The following TLR4 variants were observed in gnomAD, a reference collection of about 807,000 sequenced individuals.
TLR4 encodes the protein toll like receptor 4.
Under a neutral mutation model 27.4 loss-of-function variants are expected in TLR4, and 17 were observed. The ratio of observed to expected loss-of-function variants is 0.62; its 90% confidence interval spans 0.42 to 0.93. The LOEUF is 0.93. Among genes scored for constraint, TLR4 ranks in the 40% least tolerant of loss-of-function variants. The pLI is 0.00. For missense variants in TLR4, 926 were observed against 962.3 expected, an observed-to-expected ratio of 0.96 and a Z score of 0.50; for synonymous variants, 363 against 365.7, an observed-to-expected ratio of 0.99 and a Z score of 0.08.
chr9:117,708,531 A>G, intron 1 of TLR4, 32 bp from the exon 2 acceptor site: 1 of 1,612,982 alleles, frequency 6.2e-7, no homozygotes, highest in Middle Eastern at 1.7e-4. Context: ...CCATGCAGTA[A>G]AGATACTTCA....
rs1321018389 is a variant in TLR4, at chr9:117,715,134, C to G, written c.*486C>G. On this transcript the variant is annotated 3_prime_UTR_variant, in exon 3 of 3. Transcript: ENST00000355622. ...GGGCTCCTGATGCAAGATGCCCCTT[C>G]CATTTTAAGTCTGTCTCCTTACAGA... The G allele has an allele frequency of 5.5e-6, 1 of 181,920 alleles. No individual in the cohort carries two copies. Among genetic ancestry groups the G allele is most frequent in the Non-Finnish European group, 1.2e-5 (1 of 84,386 alleles). The allele number at this position is 181,920 out of a possible 1,614,324, so 11.3% of individuals were successfully genotyped here. A position where few individuals can be genotyped will look rare whatever the true frequency, so the allele number is the denominator to read the frequency against.
Position 117,713,034 on chromosome 9 carries a change from CT to C in TLR4, c.908del (p.Leu303TyrfsTer5). On this transcript the variant is annotated frameshift_variant, in exon 3 of 3. Transcript: ENST00000355622. LOFTEE classifies it low-confidence loss of function (END_TRUNC). ...LDYYLDDIID[L>X]FNCLTNVSSF... The stretch of plus-strand genomic sequence containing the variant: ...ACTACTACCTCGATGATATTATTGA[CT>C]TATTTAATTGTTTGACAAATGTTTC... 6.2e-7 allele frequency: 1 copy of C among 1,614,052 alleles called. No homozygotes were observed. Among genetic ancestry groups the C allele is most frequent in the Non-Finnish European group, 8.5e-7 (1 of 1,179,970 alleles).
chr9:117,707,017 G>T (rs751093561), intron 1 of TLR4, among the ~76,000 whole-genome samples: 3 of 152,190 alleles, frequency 2.0e-5, no homozygotes, highest in Admixed American at 6.6e-5. Flanking sequence ...CCAACCATTT[G>T]CCAGACACCA....
chr9:117,721,131 A>G lies in TLR4; in HGVS notation c.*6483A>G, dbSNP rs1002123996. On this transcript the variant is annotated 3_prime_UTR_variant, in exon 3 of 3. Coordinates refer to ENST00000355622, the MANE Select transcript of TLR4 (RefSeq NM_138554.5). ...TAGAGAGTGCAAATGCAGTTTTGTTACATGAATATATTGCATAATGGTTTA... is the reference window on the plus strand; with the variant it reads ...TAGAGAGTGCAAATGCAGTTTTGTTGCATGAATATATTGCATAATGGTTTA... 6.6e-6 allele frequency: 1 copy of G among 152,250 alleles called. No homozygotes were observed. Among genetic ancestry groups the G allele is most frequent in the African/African-American group, 2.4e-5 (1 of 41,468 alleles). 9.4% of individuals were successfully genotyped at this position (152,250 alleles called of 1,614,324 possible). A position where few individuals can be genotyped will look rare whatever the true frequency, so the allele number is the denominator to read the frequency against.
chr9:117,709,042 A>C (rs11536876), intron 2 of TLR4: 1 of 350,358 alleles, frequency 2.9e-6, no homozygotes, highest in Non-Finnish European at 5.4e-6. Flanking sequence ...ACTACTTGCT[A>C]TATGTTGTAC....
In TLR4 at chr9:117,715,416, T is replaced by A. The variant is rs1829327527; in HGVS notation, c.*768T>A. On this transcript the variant is annotated 3_prime_UTR_variant, in exon 3 of 3. Transcript: ENST00000355622. ...TGGAAAAGTACACTCTGTCACTTTG[T>A]CACTCGATGTCATTCCAAAGTTATT... 1 of 152,208 alleles carries A rather than the reference T, an allele frequency of 6.6e-6. No individual in the cohort carries two copies. Among genetic ancestry groups the A allele is most frequent in the African/African-American group, 2.4e-5 (1 of 41,472 alleles). The allele number at this position is 152,208 out of a possible 1,614,324, so 9.4% of individuals were successfully genotyped here.
At position 117,720,434 on chromosome 9, in the gene TLR4, T is replaced by G. The variant is rs914329321; in HGVS notation, c.*5786T>G. The stretch of plus-strand genomic sequence containing the variant: ...ATAAAGATGATCCCTCCTGTGACAG[T>G]GCTAAGTGACAATTCTGAGTGTAAA... On this transcript the variant is annotated 3_prime_UTR_variant, in exon 3 of 3. Transcript: ENST00000355622. 5.9e-5 allele frequency: 9 copies of G among 152,136 alleles called. No homozygotes were observed. The highest frequency in any genetic ancestry group is 2.2e-4 in the African/African-American group (9 of 41,424). 9.4% of individuals were successfully genotyped at this position (152,136 alleles called of 1,614,324 possible).
chr9:117,711,364 T>G (rs769886149), intron 2 of TLR4, among the ~76,000 whole-genome samples: 3 of 152,214 alleles, frequency 2.0e-5, no homozygotes, highest in Non-Finnish European at 2.9e-5. Flanking sequence ...CCTGCAATGC[T>G]GAAAGGAATT....
chr9:117,706,823 T>C (rs1259758416), intron 1 of TLR4, among the ~76,000 whole-genome samples: 1 of 152,242 alleles, frequency 6.6e-6, no homozygotes, highest in Non-Finnish European at 1.5e-5. Context: ...GAGATAGTGT[T>C]AGCTTTGCTC....
rs1408492792 is a variant in TLR4, at chr9:117,723,916, C to T, written c.*9268C>T. ...TAGTCACAGAGGTACCATTCGACCC[C>T]TTGTGCCTCTTACCATATGTGAATG... On this transcript the variant is annotated 3_prime_UTR_variant, in exon 3 of 3. Transcript: ENST00000355622. 1.3e-5 allele frequency: 2 copies of T among 152,208 alleles called. No individual in the cohort carries two copies. The highest frequency in any genetic ancestry group is 2.9e-5 in the Non-Finnish European group (2 of 68,050). The allele number at this position is 152,208 out of a possible 1,614,324, so 9.4% of individuals were successfully genotyped here.
intron 1 of TLR4, 46 bp from the exon 2 acceptor site, chr9:117,708,517 G>A (rs1475710271): frequency 6.2e-7 from 1 of 1,612,644 alleles, no homozygotes. Flanking sequence ...GGGGAGTTGG[G>A]AGACCATGCA....
chr9:117,713,600 T>C lies in TLR4; in HGVS notation c.1472T>C (p.Ile491Thr), dbSNP rs748916760. 2 of 1,613,972 alleles carry C rather than the reference T, an allele frequency of 1.2e-6. No individual in the cohort carries two copies. Among genetic ancestry groups the C allele is most frequent in the East Asian group, 4.5e-5 (2 of 44,890 alleles). Residue 491 changes from isoleucine (I) to threonine (T), a missense_variant, in exon 3 of 3, where the codon ATC becomes ACC. Transcript: ENST00000355622. Reference protein sequence around the residue: ...NSFQENFLPDIFTELRNLTFL... With the variant: ...NSFQENFLPDTFTELRNLTFL... The stretch of plus-strand genomic sequence containing the variant: ...TTCCAGGAAAACTTCCTTCCAGATA[T>C]CTTCACAGAGCTGAGAAACTTGACC...
chr9:117,718,155 T>TA lies in TLR4; in HGVS notation c.*3510dup, dbSNP rs1303115544. On this transcript the variant is annotated 3_prime_UTR_variant, in exon 3 of 3. Coordinates refer to ENST00000355622, the MANE Select transcript of TLR4 (RefSeq NM_138554.5). Reference sequence around the variant, plus strand: ...ATGGGAAAGCTGAAGTTCAATGAAGTAAATTTTTCAATAGCCCACAGAGTA... The same window carrying TA: ...ATGGGAAAGCTGAAGTTCAATGAAGTAAAATTTTTCAATAGCCCACAGAGTA... The TA allele has an allele frequency of 6.6e-6, 1 of 152,160 alleles. No homozygotes were observed. The highest frequency in any genetic ancestry group is 2.4e-5 in the African/African-American group (1 of 41,440). The allele number at this position is 152,160 out of a possible 1,614,324, so 9.4% of individuals were successfully genotyped here.
intron 1 of TLR4, 95 bp downstream of exon 1, chr9:117,704,660 A>G: frequency 9.3e-7 from 1 of 1,078,618 alleles, no homozygotes; most frequent in Non-Finnish European, 1.4e-6. Flanking sequence ...GCAAAAAAAA[A>G]AAAGAGTTAA....
chr9:117,710,904 C>G (rs899058244), intron 2 of TLR4, among the ~76,000 whole-genome samples: 1 of 152,094 alleles, frequency 6.6e-6, no homozygotes, highest in Admixed American at 6.6e-5. Context: ...CTCTACTTCT[C>G]TAAAGTGATT....
rs552386687 is a variant in TLR4, at chr9:117,724,584, G to A, written c.*9936G>A. 7 of 152,132 alleles carry A rather than the reference G, an allele frequency of 4.6e-5. No individual in the cohort carries two copies. The highest frequency in any genetic ancestry group is 1.0e-4 in the Non-Finnish European group (7 of 68,012). The allele number at this position is 152,132 out of a possible 1,614,324, so 9.4% of individuals were successfully genotyped here. On this transcript the variant is annotated 3_prime_UTR_variant, in exon 3 of 3. Transcript: ENST00000355622. ...TTCTCATGTATTAGAGAGAACAAAA[G>A]CTTTGGGAATCAGACAGATCTGTGT...
chr9:117,712,419 A>G lies in TLR4; in HGVS notation c.291A>G (p.Ala97=). The change falls in exon 3 of 3, where the codon GCA becomes GCG. Residue 97 remains alanine (A), a synonymous_variant. Coordinates refer to ENST00000355622, the MANE Select transcript of TLR4 (RefSeq NM_138554.5). ...RCEIQTIEDG[A]YQSLSHLSTL... Reference sequence around the variant, plus strand: ...AAATCCAGACAATTGAAGATGGGGCATATCAGAGCCTAAGCCACCTCTCTA... The same window carrying G: ...AAATCCAGACAATTGAAGATGGGGCGTATCAGAGCCTAAGCCACCTCTCTA... 2 of 1,613,912 alleles carry G rather than the reference A, an allele frequency of 1.2e-6. No homozygotes were observed. The highest frequency in any genetic ancestry group is 1.1e-5 in the South Asian group (1 of 91,080).
rs369630866 is a variant in TLR4 at position 117,714,055 on chromosome 9, G to T, written c.1927G>T (p.Val643Leu). ...IIGVSVLSVLVVSVVAVLVYK... is the reference protein window; with the variant it reads ...IIGVSVLSVLLVSVVAVLVYK... The stretch of plus-strand genomic sequence containing the variant: ...TGGTGTGTCGGTCCTCAGTGTGCTT[G>T]TAGTATCTGTTGTAGCAGTTCTGGT... Residue 643 changes from valine to leucine, a missense_variant, in exon 3 of 3, where the codon GTA (valine) becomes TTA (leucine). Coordinates refer to ENST00000355622, the MANE Select transcript of TLR4 (RefSeq NM_138554.5). 36 of 1,613,852 alleles carry T rather than the reference G, an allele frequency of 2.2e-5. No homozygotes were observed. The highest frequency in any genetic ancestry group is 1.0e-4 in the Admixed American group (6 of 59,966).
rs1486154258 is a variant in TLR4, at chr9:117,713,127, A to G, written c.999A>G (p.Gln333=). The change falls in exon 3 of 3, where the codon CAA becomes CAG. Residue 333 remains glutamine (Q), a synonymous_variant. Transcript: ENST00000355622. ...ACTTTTCTTATAATTTCGGATGGCA[A>G]CATTTAGAATTAGTTAACTGTAAAT... ...VKDFSYNFGW[Q]HLELVNCKFG... is the part of the protein sequence containing the mutation. The G allele has an allele frequency of 6.2e-7, 1 of 1,612,320 alleles. No homozygotes were observed. The highest frequency in any genetic ancestry group is 8.5e-7 in the Non-Finnish European group (1 of 1,178,916).
Sources: allele counts gnomAD v4.1 joint callset (sites outside exome capture counted in the v4.1 genomes callset), GRCh38; gene constraint gnomAD v4.1.1; transcripts MANE v1.5; gene names NCBI Gene and HGNC (gene_info 2026-07-23, HGNC 2026-07-21).